OR6C68: variants seen among roughly 807,000 people sequenced by gnomAD.
OR6C68 encodes the protein olfactory receptor family 6 subfamily C member 68, also known as olfactory receptor 6C68.
For synonymous variants in OR6C68, 161 were observed against 129.8 expected (o/e 1.24, Z -1.63); for missense variants, 440 against 368.5 (o/e 1.19, Z -1.59).
chr12:55,493,309 AAAAGT>A (rs1341993235), exon 1 of OR6C68: 6 of 1,542,402 alleles, frequency 3.9e-6, no homozygotes, highest in African/African-American at 8.4e-5. Flanking sequence ...TTTCGTTTAA[AAAAGT>A]AAAGTGTACC....
rs1444684726 is a variant in OR6C68 at position 55,492,563 on chromosome 12, A to G, written c.186A>G (p.Gln62=). 6.2e-7 allele frequency: 1 copy of G among 1,613,110 alleles called. No individual in the cohort carries two copies. Among genetic ancestry groups the G allele is most frequent in the Non-Finnish European group, 8.5e-7 (1 of 1,179,672 alleles). The change falls in exon 1 of 1, where the codon CAA becomes CAG. Residue 62 remains glutamine, a synonymous_variant. Coordinates refer to ENST00000548615, the MANE Select transcript of OR6C68 (RefSeq NM_001005519.2). ...HLKTPMYFFL[Q]NLSFLEISFT... ...AAACACCCATGTATTTTTTTCTCCA[A>G]AATTTATCTTTCTTAGAAATCTCAT...
chr12:55,492,773 A>T lies in OR6C68; in HGVS notation c.396A>T (p.Ala132=). Residue 132 remains alanine (A), a synonymous_variant, in exon 1 of 1, where the codon GCA becomes GCT. Coordinates refer to ENST00000548615, the MANE Select transcript of OR6C68 (RefSeq NM_001005519.2). The part of the protein sequence containing the change: ...VAICKPLHYM[A]IMSNKVCKTM... ...TCTGCAAACCCTTGCATTATATGGC[A>T]ATCATGAGCAACAAAGTGTGCAAAA... The T allele has an allele frequency of 1.2e-6, 2 of 1,614,198 alleles. No individual in the cohort carries two copies. The highest frequency in any genetic ancestry group is 1.7e-6 in the Non-Finnish European group (2 of 1,180,016).
chr12:55,492,872 A>T lies in OR6C68; in HGVS notation c.495A>T (p.Glu165Asp), dbSNP rs1458242593. 6 of 1,613,930 alleles carry T rather than the reference A, an allele frequency of 3.7e-6. No individual in the cohort carries two copies. Among genetic ancestry groups the T allele is most frequent in the Non-Finnish European group, 5.1e-6 (6 of 1,179,960 alleles). Residue 165 changes from glutamate to aspartate, a missense_variant, in exon 1 of 1, where the codon GAA (glutamate) becomes GAT (aspartate). By Grantham distance (45) the Glu-to-Asp change is conservative (BLOSUM62 2). Coordinates refer to ENST00000548615, the MANE Select transcript of OR6C68 (RefSeq NM_001005519.2). ...CACTTAGCTTAGGTTTTCATCTAGA[A>T]TTCTGTGACTCTAATGTCATCAATC... is the stretch of plus-strand genomic sequence containing the variant. ...LPPLSLGFHL[E>D]FCDSNVINHF... is the part of the protein sequence containing the mutation.
At position 55,492,784 on chromosome 12, in the gene OR6C68, AC is replaced by A; in HGVS notation, c.408del (p.Asn136LysfsTer17). The stretch of plus-strand genomic sequence containing the variant: ...TTGCATTATATGGCAATCATGAGCA[AC>A]AAAGTGTGCAAAACAATGGTTATTT... ...KPLHYMAIMS[N>X]KVCKTMVICC... On this transcript the variant is annotated frameshift_variant, in exon 1 of 1. Transcript: ENST00000548615. LOFTEE classifies it low-confidence loss of function (END_TRUNC). 2 of 1,614,192 alleles carry A rather than the reference AC, an allele frequency of 1.2e-6. No individual in the cohort carries two copies. The highest frequency in any genetic ancestry group is 1.7e-6 in the Non-Finnish European group (2 of 1,180,016).
At position 55,492,473 on chromosome 12, in the gene OR6C68, C is replaced by T. The variant is rs1317604362; in HGVS notation, c.96C>T (p.Thr32=). ...QVLLFMFLFI[T]YMLSVTGKLT... ...TGCTTTTCATGTTTCTATTTATCAC[C>T]TACATGTTGAGTGTAACAGGGAAAC... Residue 32 remains threonine (T), a synonymous_variant, in exon 1 of 1, where the codon ACC becomes ACT. Coordinates refer to ENST00000548615, the MANE Select transcript of OR6C68 (RefSeq NM_001005519.2). The T allele has an allele frequency of 5.6e-6, 9 of 1,613,828 alleles. No individual in the cohort carries two copies. The highest frequency in any genetic ancestry group is 1.1e-5 in the South Asian group (1 of 91,072).
In OR6C68 at chr12:55,492,859, G is replaced by GT. The variant is rs745957246; in HGVS notation, c.486dup (p.His163SerfsTer6). 6.5e-5 allele frequency: 105 copies of GT among 1,613,850 alleles called. No individual in the cohort carries two copies. Among genetic ancestry groups the GT allele is most frequent in the Non-Finnish European group, 8.6e-5 (102 of 1,179,976 alleles). On this transcript the variant is annotated frameshift_variant, in exon 1 of 1. Coordinates refer to ENST00000548615, the MANE Select transcript of OR6C68 (RefSeq NM_001005519.2). LOFTEE classifies it low-confidence loss of function (END_TRUNC). ...ATTATCCTCCCACCACTTAGCTTAGGTTTTCATCTAGAATTCTGTGACTCT... is the reference window on the plus strand; with the variant it reads ...ATTATCCTCCCACCACTTAGCTTAGGTTTTTCATCTAGAATTCTGTGACTCT...
chr12:55,492,864 C>G lies in OR6C68; in HGVS notation c.487C>G (p.His163Asp), dbSNP rs769805903. The change falls in exon 1 of 1, where the codon CAT (histidine) becomes GAT (aspartate). Residue 163 changes from histidine to aspartate, a missense_variant. His to Asp is a moderately conservative substitution (Grantham distance 81). Transcript: ENST00000548615. ...IILPPLSLGFHLEFCDSNVIN... is the reference protein window; with the variant it reads ...IILPPLSLGFDLEFCDSNVIN... ...CCTCCCACCACTTAGCTTAGGTTTT[C>G]ATCTAGAATTCTGTGACTCTAATGT... 105 of 1,613,900 alleles carry G rather than the reference C, an allele frequency of 6.5e-5. No individual in the cohort carries two copies. Among genetic ancestry groups the G allele is most frequent in the Non-Finnish European group, 8.6e-5 (102 of 1,179,946 alleles).
In OR6C68 at chr12:55,492,879, G is replaced by A; in HGVS notation, c.502G>A (p.Asp168Asn). 1 of 1,613,806 alleles carries A rather than the reference G, an allele frequency of 6.2e-7. No individual in the cohort carries two copies. The highest frequency in any genetic ancestry group is 8.5e-7 in the Non-Finnish European group (1 of 1,179,838). Residue 168 changes from aspartate (D) to asparagine (N), a missense_variant, in exon 1 of 1, where the codon GAC becomes AAC. Asp to Asn is a conservative substitution (Grantham distance 23). Transcript: ENST00000548615. ...LSLGFHLEFC[D>N]SNVINHFGCD... Reference sequence around the variant, plus strand: ...CTTAGGTTTTCATCTAGAATTCTGTGACTCTAATGTCATCAATCATTTTGG... The same window carrying A: ...CTTAGGTTTTCATCTAGAATTCTGTAACTCTAATGTCATCAATCATTTTGG...
Position 55,492,781 on chromosome 12 carries a change from G to A in OR6C68, c.404G>A (p.Ser135Asn), listed in dbSNP as rs774007907. Residue 135 changes from serine (S) to asparagine (N), a missense_variant, in exon 1 of 1, where the codon AGC becomes AAC. Physicochemically the swap from Ser to Asn is conservative, Grantham distance 46. Coordinates refer to ENST00000548615, the MANE Select transcript of OR6C68 (RefSeq NM_001005519.2). The stretch of plus-strand genomic sequence containing the variant: ...CCCTTGCATTATATGGCAATCATGA[G>A]CAACAAAGTGTGCAAAACAATGGTT... ...CKPLHYMAIM[S>N]NKVCKTMVIC... 1.9e-6 allele frequency: 3 copies of A among 1,614,120 alleles called. No homozygotes were observed. Among genetic ancestry groups the A allele is most frequent in the East Asian group, 2.2e-5 (1 of 44,876 alleles).
At position 55,493,133 on chromosome 12, in the gene OR6C68, C is replaced by A. The variant is rs753951294; in HGVS notation, c.756C>A (p.Ser252Arg). ...CTGTGGTTTCCATCACTTATGGCAG[C>A]TGCATCTTCATCTATATCAAGCCAT... The part of the protein sequence containing the change: ...HITVVSITYG[S>R]CIFIYIKPSA... Residue 252 changes from serine to arginine, a missense_variant, in exon 1 of 1, where the codon AGC becomes AGA. Ser to Arg is a moderately radical substitution (Grantham distance 110). Coordinates refer to ENST00000548615, the MANE Select transcript of OR6C68 (RefSeq NM_001005519.2). The A allele has an allele frequency of 6.2e-7, 1 of 1,611,964 alleles. No individual in the cohort carries two copies. The highest frequency in any genetic ancestry group is 1.1e-5 in the South Asian group (1 of 90,678).
chr12:55,492,479 G>T lies in OR6C68; in HGVS notation c.102G>T (p.Met34Ile), dbSNP rs746560398. The T allele has an allele frequency of 6.2e-7, 1 of 1,613,908 alleles. No individual in the cohort carries two copies. The highest frequency in any genetic ancestry group is 8.5e-7 in the Non-Finnish European group (1 of 1,179,782). The change falls in exon 1 of 1, where the codon ATG (methionine) becomes ATT (isoleucine). Residue 34 changes from methionine to isoleucine, a missense_variant. Met to Ile is a conservative substitution (Grantham distance 10, BLOSUM62 1). Transcript: ENST00000548615. ...LLFMFLFITY[M>I]LSVTGKLTII... is the part of the protein sequence containing the mutation. Reference sequence around the variant, plus strand: ...TCATGTTTCTATTTATCACCTACATGTTGAGTGTAACAGGGAAACTGACCA... The same window carrying T: ...TCATGTTTCTATTTATCACCTACATTTTGAGTGTAACAGGGAAACTGACCA...
Position 55,492,810 on chromosome 12 carries a change from T to A in OR6C68, c.433T>A (p.Cys145Ser). Residue 145 changes from cysteine (C) to serine (S), a missense_variant, in exon 1 of 1, where the codon TGT becomes AGT. Cys to Ser is a moderately radical substitution (Grantham distance 112). Transcript: ENST00000548615. ...SNKVCKTMVI[C>S]CWMAALMIIL... ...CAAAGTGTGCAAAACAATGGTTATTTGTTGTTGGATGGCAGCACTTATGAT... is the reference window on the plus strand; with the variant it reads ...CAAAGTGTGCAAAACAATGGTTATTAGTTGTTGGATGGCAGCACTTATGAT... 1 of 1,614,170 alleles carries A rather than the reference T, an allele frequency of 6.2e-7. No homozygotes were observed. Among genetic ancestry groups the A allele is most frequent in the Non-Finnish European group, 8.5e-7 (1 of 1,180,008 alleles).
rs751165573 is a variant in OR6C68 at position 55,492,695 on chromosome 12, G to T, written c.318G>T (p.Gly106=). ...VIQLFFADLF[G]VTEFFLLATM... ...AGCTATTTTTTGCAGACCTCTTTGGGGTAACTGAATTTTTTCTTTTGGCTA... is the reference window on the plus strand; with the variant it reads ...AGCTATTTTTTGCAGACCTCTTTGGTGTAACTGAATTTTTTCTTTTGGCTA... The change falls in exon 1 of 1, where the codon GGG becomes GGT. Residue 106 remains glycine (G), a synonymous_variant. Coordinates refer to ENST00000548615, the MANE Select transcript of OR6C68 (RefSeq NM_001005519.2). 65 of 1,613,956 alleles carry T rather than the reference G, an allele frequency of 4.0e-5. 1 individual carries two copies. The highest frequency in any genetic ancestry group is 8.5e-6 in the Non-Finnish European group (10 of 1,179,996).
rs145384583 is a variant in OR6C68, at chr12:55,492,650, G to C, written c.273G>C (p.Thr91=). The change falls in exon 1 of 1, where the codon ACG becomes ACC. Residue 91 remains threonine, a synonymous_variant. Coordinates refer to ENST00000548615, the MANE Select transcript of OR6C68 (RefSeq NM_001005519.2). ...TCTCAACTGGGAACAAAATAATAAC[G>C]TATAATGCATGTGTCATTCAGCTAT... The part of the protein sequence containing the change: ...YSISTGNKII[T]YNACVIQLFF... The C allele has an allele frequency of 6.2e-7, 1 of 1,613,966 alleles. No homozygotes were observed. Among genetic ancestry groups the C allele is most frequent in the Admixed American group, 1.7e-5 (1 of 60,006 alleles).
Position 55,492,479 on chromosome 12 carries a change from G to A in OR6C68, c.102G>A (p.Met34Ile), listed in dbSNP as rs746560398. ...LLFMFLFITY[M>I]LSVTGKLTII... ...TCATGTTTCTATTTATCACCTACAT[G>A]TTGAGTGTAACAGGGAAACTGACCA... is the stretch of plus-strand genomic sequence containing the variant. Residue 34 changes from methionine (M) to isoleucine (I), a missense_variant, in exon 1 of 1, where the codon ATG (methionine) becomes ATA (isoleucine). Physicochemically the swap from Met to Ile is conservative, Grantham distance 10. Transcript: ENST00000548615. 2.2e-5 allele frequency: 36 copies of A among 1,613,790 alleles called. No homozygotes were observed. The highest frequency in any genetic ancestry group is 1.6e-4 in the Middle Eastern group (1 of 6,084).
chr12:55,492,936 T>C lies in OR6C68; in HGVS notation c.559T>C (p.Cys187Arg), dbSNP rs112205103. 1.0e-4 allele frequency: 163 copies of C among 1,612,456 alleles called. No individual in the cohort carries two copies. The African/African-American group carries it at 1.9e-3, about 18-fold the overall frequency. Residue 187 changes from cysteine to arginine, a missense_variant, in exon 1 of 1, where the codon TGC (cysteine) becomes CGC (arginine). By Grantham distance (180) the Cys-to-Arg change is radical. Coordinates refer to ENST00000548615, the MANE Select transcript of OR6C68 (RefSeq NM_001005519.2). Reference sequence around the variant, plus strand: ...TGCATTGCCTATTCTGAAAATACCATGCTCAGACACATCATTAATTGAGCA... The same window carrying C: ...TGCATTGCCTATTCTGAAAATACCACGCTCAGACACATCATTAATTGAGCA... ...CDALPILKIP[C>R]SDTSLIEQMV...
rs141063883 is a variant in OR6C68, at chr12:55,493,200, C to T, written c.823C>T (p.Leu275Phe). The T allele has an allele frequency of 3.0e-4, 479 of 1,612,720 alleles. 1 individual carries two copies. Among genetic ancestry groups the T allele is most frequent in the Middle Eastern group, 2.0e-3 (12 of 6,058 alleles). The change falls in exon 1 of 1, where the codon CTT becomes TTT. Residue 275 changes from leucine (L) to phenylalanine (F), a missense_variant. By Grantham distance (22) the Leu-to-Phe change is conservative. Coordinates refer to ENST00000548615, the MANE Select transcript of OR6C68 (RefSeq NM_001005519.2). ...EVNINKGVSV[L>F]ISSISPMLNS... is the part of the protein sequence containing the mutation. ...AAACATTAATAAAGGTGTGTCAGTG[C>T]TTATTTCATCCATATCACCTATGTT...
rs753284392 is a variant in OR6C68, at chr12:55,492,934, C to T, written c.557C>T (p.Pro186Leu). The T allele has an allele frequency of 1.9e-6, 3 of 1,611,608 alleles. No individual in the cohort carries two copies. Among genetic ancestry groups the T allele is most frequent in the Middle Eastern group, 1.7e-4 (1 of 6,052 alleles). The change falls in exon 1 of 1, where the codon CCA becomes CTA. Residue 186 changes from proline to leucine, a missense_variant. Transcript: ENST00000548615. ...GATGCATTGCCTATTCTGAAAATAC[C>T]ATGCTCAGACACATCATTAATTGAG... ...GCDALPILKI[P>L]CSDTSLIEQM...
rs759482721 is a variant in OR6C68 at position 55,492,580 on chromosome 12, A to G, written c.203A>G (p.Glu68Gly). 6.2e-7 allele frequency: 1 copy of G among 1,613,246 alleles called. No homozygotes were observed. Among genetic ancestry groups the G allele is most frequent in the Non-Finnish European group, 8.5e-7 (1 of 1,179,608 alleles). ...TTTCTCCAAAATTTATCTTTCTTAG[A>G]AATCTCATTTACAGCTACCTGTGTT... is the stretch of plus-strand genomic sequence containing the variant. ...YFFLQNLSFL[E>G]ISFTATCVPR... The change falls in exon 1 of 1, where the codon GAA (glutamate) becomes GGA (glycine). Residue 68 changes from glutamate (E) to glycine (G), a missense_variant. By Grantham distance (98) the Glu-to-Gly change is moderately conservative. Transcript: ENST00000548615.
Sources: gnomAD v4.1 joint callset for allele counts on GRCh38, gnomAD v4.1.1 for gene constraint, MANE v1.5 for transcripts, NCBI Gene and HGNC (gene_info 2026-07-23, HGNC 2026-07-21) for gene names.